The following PCSK5 variants were observed in gnomAD, a reference collection of about 807,000 sequenced individuals.
PCSK5 encodes proprotein convertase subtilisin/kexin type 5, also known as prohormone convertase 5.
PCSK5 carries 129 observed loss-of-function variants against 233.2 expected under a neutral mutation model. That is an observed-to-expected ratio of 0.55 (90% CI 0.48 to 0.64). The LOEUF (loss-of-function observed/expected upper bound fraction) is 0.64. Ranked by LOEUF, PCSK5 falls within the 30% of genes least tolerant of loss-of-function variation. The pLI is 0.00. For synonymous variants in PCSK5, 825 were observed against 879.2 expected (o/e 0.94, Z 1.09); for missense variants, 2,076 against 2,430.1 (o/e 0.85, Z 3.06).
At chr9:76,109,097 A>G (rs1380078668) in intron 9 of PCSK5, among the ~76,000 whole-genome samples, 1 of 152,228 alleles carries the variant, frequency 6.6e-6, no homozygotes, top group Non-Finnish European at 1.5e-5. Flanking sequence ...GGGTTTAGCA[A>G]GGAACTGGCA....
intron 20 of PCSK5, among the ~76,000 whole-genome samples, chr9:76,217,028 T>C (rs1825559492): frequency 6.6e-6 from 1 of 152,046 alleles, no homozygotes; most frequent in Non-Finnish European, 1.5e-5. Flanking sequence ...TTAGTAGAGA[T>C]GGAGTTTCAC....
intron 8 of PCSK5, 146 bp downstream of exon 8, chr9:76,096,248 G>A (rs373515556): frequency 8.0e-6 from 5 of 624,578 alleles, no homozygotes; most frequent in Admixed American, 2.9e-5. Context: ...AATTAGATTC[G>A]CTGATAATAG....
intron 30 of PCSK5, 136 bp downstream of exon 30, chr9:76,310,987 A>G (rs1259968700): frequency 8.2e-6 from 5 of 609,866 alleles, no homozygotes; most frequent in East Asian, 2.9e-5. Flanking sequence ...GTTGACTGAC[A>G]TGGGTGTGCG....
chr9:76,360,139 T>A lies in PCSK5; in HGVS notation c.*1217T>A, dbSNP rs1400856232. 6.6e-6 allele frequency: 1 copy of A among 152,186 alleles called. No individual in the cohort carries two copies. The allele number at this position is 152,186 out of a possible 1,614,324, so 9.4% of individuals were successfully genotyped here. On this transcript the variant is annotated 3_prime_UTR_variant, in exon 38 of 38. Coordinates refer to ENST00000674117, the MANE Select transcript of PCSK5 (RefSeq NM_001372043.1). ...CAGATTTCCTTGTCAAAATAGACCT[T>A]ACAGGCAGTACTAGAAATGGAGCAC...
At chr9:75,920,545 T>C (rs7856610) in intron 1 of PCSK5, among the ~76,000 whole-genome samples, 88,738 of 152,054 alleles carry the variant, frequency 0.58, 27,832 homozygotes, top group African/African-American at 0.8. Context: ...TGGGTCATGC[T>C]TGTAGTCCCA....
intron 29 of PCSK5, among the ~76,000 whole-genome samples, chr9:76,309,864 G>C (rs10115887): frequency 0.081 from 12,402 of 152,220 alleles, 571 homozygotes; most frequent in African/African-American, 0.1. Flanking sequence ...CTGGAATCTT[G>C]GGTGTGAGAG....
chr9:76,051,445 T>C (rs1829625828), intron 5 of PCSK5, among the ~76,000 whole-genome samples: 1 of 152,206 alleles, frequency 6.6e-6, no homozygotes, highest in Admixed American at 6.5e-5. Flanking sequence ...AAGAAGATAA[T>C]TAATATTGTT....
At chr9:76,216,436 C>G (rs1208301918) in intron 20 of PCSK5, among the ~76,000 whole-genome samples, 1 of 152,148 alleles carries the variant, frequency 6.6e-6, no homozygotes, top group Non-Finnish European at 1.5e-5. Flanking sequence ...CAAGTTAGCT[C>G]ACAACCAATT....
chr9:75,950,141 G>GA (rs1563932260), intron 2 of PCSK5, among the ~76,000 whole-genome samples: 1 of 65,692 alleles, frequency 1.5e-5, no homozygotes, highest in Non-Finnish European at 3.0e-5. Context: ...TTGTGTGTGT[G>GA]TGTGGGGGGG....
At chr9:75,943,688 A>C (rs542176653) in intron 2 of PCSK5, among the ~76,000 whole-genome samples, 13 of 152,280 alleles carry the variant, frequency 8.5e-5, no homozygotes, top group African/African-American at 3.1e-4. Flanking sequence ...ATCTTCCCTC[A>C]CTTGAAGACT....
At chr9:76,163,673 G>C (rs555383586) in intron 12 of PCSK5, among the ~76,000 whole-genome samples, 52 of 152,202 alleles carry the variant, frequency 3.4e-4, no homozygotes, top group Admixed American at 1.9e-3. Flanking sequence ...CATGGAGGTC[G>C]AGTGTGTAGG....
chr9:76,233,613 C>T lies in PCSK5; in HGVS notation c.2866+17C>T. ...GTGGAGCAGGTGAGAGACTGCTGCTCCTCCGTCTTCTGCACCCCAAACCTG... is the reference window on the plus strand; with the variant it reads ...GTGGAGCAGGTGAGAGACTGCTGCTTCTCCGTCTTCTGCACCCCAAACCTG... On this transcript the variant is annotated intron_variant, in intron 22 of 37. Transcript: ENST00000674117. The T allele has an allele frequency of 1.2e-6, 2 of 1,605,976 alleles. No homozygotes were observed. The highest frequency in any genetic ancestry group is 1.1e-5 in the South Asian group (1 of 90,918).
chr9:76,303,281 C>T (rs1316516154), intron 28 of PCSK5, among the ~76,000 whole-genome samples: 2 of 152,124 alleles, frequency 1.3e-5, no homozygotes, highest in African/African-American at 4.8e-5. Context: ...TCAAGCTATC[C>T]TCCCACCTTG....
At position 76,359,961 on chromosome 9, in the gene PCSK5, A is replaced by G. The variant is rs1356831796; in HGVS notation, c.*1039A>G. 6.6e-6 allele frequency: 1 copy of G among 151,756 alleles called. No individual in the cohort carries two copies. Among genetic ancestry groups the G allele is most frequent in the African/African-American group, 2.4e-5 (1 of 41,296 alleles). The allele number at this position is 151,756 out of a possible 1,614,324, so 9.4% of individuals were successfully genotyped here. On this transcript the variant is annotated 3_prime_UTR_variant, in exon 38 of 38. Transcript: ENST00000674117. Reference sequence around the variant, plus strand: ...GACCAGCCTTCCAGCACTGCTCATCACTATGATTTTTGTTTCTAGACTTCC... The same window carrying G: ...GACCAGCCTTCCAGCACTGCTCATCGCTATGATTTTTGTTTCTAGACTTCC...
chr9:76,021,944 T>G (rs1451981174), intron 3 of PCSK5, among the ~76,000 whole-genome samples: 1 of 152,148 alleles, frequency 6.6e-6, no homozygotes. Flanking sequence ...CCCATCCTCT[T>G]TCTCTTTCTT....
At chr9:76,138,908 C>G (rs1458713943) in intron 10 of PCSK5, among the ~76,000 whole-genome samples, 1 of 151,954 alleles carries the variant, frequency 6.6e-6, no homozygotes, top group Non-Finnish European at 1.5e-5. Context: ...TTTCTACCAG[C>G]ATGTTGCTGA....
intron 1 of PCSK5, among the ~76,000 whole-genome samples, chr9:75,908,935 C>CTA (rs1564074955): frequency 1.7e-5 from 2 of 116,360 alleles, no homozygotes; most frequent in East Asian, 2.4e-4. Flanking sequence ...CTCTATCTCT[C>CTA]TCTCTGTCTA....
chr9:76,227,956 T>C (rs1353940081), intron 21 of PCSK5, among the ~76,000 whole-genome samples: 1 of 151,978 alleles, frequency 6.6e-6, no homozygotes, highest in East Asian at 1.9e-4. Context: ...CTAGAGTCAG[T>C]TCAAAAGTGA....
intron 7 of PCSK5, among the ~76,000 whole-genome samples, chr9:76,076,965 C>T (rs116914102): frequency 4.6e-3 from 700 of 152,254 alleles, no homozygotes; most frequent in Non-Finnish European, 7.4e-3. Context: ...ATACTATAGT[C>T]ATCTTCTGGG....
Sources: gnomAD v4.1 joint callset for allele counts (sites outside exome capture counted in the v4.1 genomes callset) on GRCh38, gnomAD v4.1.1 for gene constraint, MANE v1.5 for transcripts, NCBI Gene and HGNC (gene_info 2026-07-23, HGNC 2026-07-21) for gene names.